Variants in EPHB1 observed in about 807,000 individuals in gnomAD.
EPHB1 encodes EPH receptor B1.
A neutral mutation model predicts 94.4 loss-of-function variants in EPHB1; 30 were observed. The ratio of observed to expected loss-of-function variants is 0.32; its 90% CI spans 0.24 to 0.43. The LOEUF is 0.43. Ranked by LOEUF, EPHB1 falls within the 20% of genes least tolerant of loss-of-function variation. The pLI is 1.00. For synonymous variants in EPHB1, 522 were observed against 489.1 expected, an observed-to-expected ratio of 1.07 and a Z score of -0.89; for missense variants, 1,055 against 1,308.3, an observed-to-expected ratio of 0.81 and a Z score of 2.99.
At chr3:135,055,469 ACAC>A (rs955919931) in intron 3 of EPHB1, among the ~76,000 whole-genome samples, 5 of 152,182 alleles carry the variant, frequency 3.3e-5, no homozygotes, top group African/African-American at 1.2e-4. Flanking sequence ...TCAGATGAGA[ACAC>A]CAAGGTACAG....
chr3:135,239,481 G>A (rs1436412006), intron 12 of EPHB1, among the ~76,000 whole-genome samples: 2 of 152,138 alleles, frequency 1.3e-5, no homozygotes, highest in African/African-American at 4.8e-5. Context: ...TGCTGTTACT[G>A]CTGCAGCCAG....
In EPHB1 at chr3:135,162,161, C is replaced by T. The variant is rs1193291193; in HGVS notation, c.1566C>T (p.Cys522=). ...AGYGKFSGKM[C]FQTLTDDDYK... Reference sequence around the variant, plus strand: ...ACGGCAAGTTCAGTGGCAAGATGTGCTTCCAGACTCTGACTGACGGTAAGG... The same window carrying T: ...ACGGCAAGTTCAGTGGCAAGATGTGTTTCCAGACTCTGACTGACGGTAAGG... Residue 522 remains cysteine, a synonymous_variant, in exon 7 of 16, where the codon TGC becomes TGT. Transcript: ENST00000398015. The T allele has an allele frequency of 1.2e-6, 2 of 1,607,408 alleles. No homozygotes were observed. Among genetic ancestry groups the T allele is most frequent in the African/African-American group, 1.3e-5 (1 of 74,834 alleles).
intron 5 of EPHB1, among the ~76,000 whole-genome samples, chr3:135,140,466 A>G (rs1363584588): frequency 6.6e-6 from 1 of 152,282 alleles, no homozygotes; most frequent in Non-Finnish European, 1.5e-5. Context: ...TGTTAAATAA[A>G]TACATGAATG....
At chr3:135,002,946 GTC>G (rs1180651896) in intron 3 of EPHB1, among the ~76,000 whole-genome samples, 2 of 151,966 alleles carry the variant, frequency 1.3e-5, no homozygotes, top group Non-Finnish European at 2.9e-5. Context: ...GGTTTTTTGT[GTC>G]TCTATTTCCT....
chr3:135,114,093 T>C (rs1476690263), intron 4 of EPHB1, among the ~76,000 whole-genome samples: 1 of 152,228 alleles, frequency 6.6e-6, no homozygotes, highest in Non-Finnish European at 1.5e-5. Flanking sequence ...CCTCAGGAAA[T>C]GCTGTCTGTT....
intron 3 of EPHB1, among the ~76,000 whole-genome samples, chr3:135,022,520 A>G (rs1936021583): frequency 6.6e-6 from 1 of 152,168 alleles, no homozygotes; most frequent in Non-Finnish European, 1.5e-5. Context: ...CTCAGATGTA[A>G]ACTTTGGTAG....
intron 1 of EPHB1, among the ~76,000 whole-genome samples, chr3:134,811,037 C>T (rs1425627902): frequency 2.6e-5 from 4 of 152,038 alleles, no homozygotes; most frequent in African/African-American, 9.7e-5. Flanking sequence ...TCCCCCTTTC[C>T]CACATTCCCA....
At chr3:135,113,840 A>G (rs1939564740) in intron 4 of EPHB1, among the ~76,000 whole-genome samples, 1 of 152,126 alleles carries the variant, frequency 6.6e-6, no homozygotes, top group Admixed American at 6.5e-5. Flanking sequence ...CCCCTCTGCC[A>G]TTTGTCCAGG....
chr3:134,870,043 A>C lies in EPHB1; in HGVS notation c.59-55773A>C, dbSNP rs77112494. Among the ~76,000 whole-genome samples the C allele has an allele frequency of 7.7e-3, 1,171 of 152,352 alleles. 16 individuals carry two copies. The highest frequency in any genetic ancestry group is 0.027 in the African/African-American group (1,125 of 41,564). On this transcript the variant is annotated intron_variant, in intron 1 of 15. Coordinates refer to ENST00000398015, the MANE Select transcript of EPHB1 (RefSeq NM_004441.5). ...ACAGAGCACAAAGAAAGAGCAGATA[A>C]GCAGAAAAATCAGGTAAGGATATTT...
chr3:135,159,167 A>G (rs1700668445), intron 6 of EPHB1, among the ~76,000 whole-genome samples: 1 of 152,194 alleles, frequency 6.6e-6, no homozygotes, highest in African/African-American at 2.4e-5. Flanking sequence ...CCACATACTT[A>G]TAATTAGTCA....
At chr3:135,128,925 G>A (rs1940312740) in intron 4 of EPHB1, among the ~76,000 whole-genome samples, 1 of 152,132 alleles carries the variant, frequency 6.6e-6, no homozygotes, top group African/African-American at 2.4e-5. Context: ...CCTCAAGGAG[G>A]CAGGGGAATG....
At chr3:135,105,596 G>C (rs752768502) in intron 3 of EPHB1, among the ~76,000 whole-genome samples, 2 of 152,188 alleles carry the variant, frequency 1.3e-5, no homozygotes, top group Non-Finnish European at 2.9e-5. Context: ...CTTGGAGCCA[G>C]ACTTTTCAGA....
chr3:135,105,937 A>T (rs1939201077), intron 3 of EPHB1, among the ~76,000 whole-genome samples: 1 of 152,248 alleles, frequency 6.6e-6, no homozygotes, highest in South Asian at 2.1e-4. Context: ...GAGCTTGTTA[A>T]TACATCTCAT....
At chr3:134,873,397 A>G (rs1052933321) in intron 1 of EPHB1, among the ~76,000 whole-genome samples, 9 of 152,224 alleles carry the variant, frequency 5.9e-5, no homozygotes, top group African/African-American at 1.9e-4. Context: ...GTATCTGACA[A>G]ATTTATATGA....
chr3:135,005,572 C>A (rs1370497431), intron 3 of EPHB1, among the ~76,000 whole-genome samples: 2 of 152,238 alleles, frequency 1.3e-5, no homozygotes, highest in Non-Finnish European at 2.9e-5. Context: ...TGCTGCCTTG[C>A]AGTTTGATCT....
At chr3:135,217,537 G>A (rs539571677) in intron 12 of EPHB1, among the ~76,000 whole-genome samples, 1 of 152,026 alleles carries the variant, frequency 6.6e-6, no homozygotes, top group Non-Finnish European at 1.5e-5. Flanking sequence ...GCAAAGCATA[G>A]TTAGAGATAC....
At chr3:135,125,759 C>T (rs547583173) in intron 4 of EPHB1, among the ~76,000 whole-genome samples, 1 of 152,280 alleles carries the variant, frequency 6.6e-6, no homozygotes, top group South Asian at 2.1e-4. Context: ...TCCAATCCAT[C>T]CTGCTTTTAG....
intron 3 of EPHB1, among the ~76,000 whole-genome samples, chr3:135,058,650 C>T (rs904752400): frequency 6.6e-5 from 10 of 152,242 alleles, no homozygotes; most frequent in African/African-American, 1.9e-4. Context: ...CACTTGCTAA[C>T]ATCCCCAGCA....
At position 134,858,569 on chromosome 3, in the gene EPHB1, C is replaced by T. The variant is rs1048152362; in HGVS notation, c.58+62880C>T. 3.7e-4 allele frequency among the ~76,000 whole-genome samples: 57 copies of T among 152,086 alleles called. 2 individuals are homozygous for T. Among genetic ancestry groups the T allele is most frequent in the Admixed American group, 3.3e-3 (50 of 15,258 alleles). ...TCAGCAGCCCACAGAGCAGCCCCAA[C>T]GTAAATTAAGGAGCCTGGAGCTTAT... On this transcript the variant is annotated intron_variant, in intron 1 of 15. Transcript: ENST00000398015.
Sources: gnomAD v4.1 joint callset for allele counts (sites outside exome capture counted in the v4.1 genomes callset) on GRCh38, gnomAD v4.1.1 for gene constraint, MANE v1.5 for transcripts, NCBI Gene and HGNC (gene_info 2026-07-23, HGNC 2026-07-21) for gene names.